The following GRM8 variants were observed in gnomAD, a reference collection of about 807,000 sequenced individuals.
GRM8 encodes metabotropic glutamate receptor 8.
In GRM8, 47 loss-of-function variants were observed where a neutral mutation model predicts 87.2. The ratio of observed to expected loss-of-function variants is 0.54; its 90% CI spans 0.43 to 0.69. GRM8 has a LOEUF of 0.69. Ranked by LOEUF, GRM8 falls within the 30% of genes least tolerant of loss-of-function variation. The probability of loss-of-function intolerance (pLI) is 0.00; values close to 1 mark genes in which losing one functional copy is unlikely to be tolerated. For missense variants in GRM8, 1,019 were observed against 1,139.2 expected (o/e 0.89, Z 1.52); for synonymous variants, 396 against 404.5 (o/e 0.98, Z 0.25).
At chr7:126,592,376 T>A (rs1796759726) in intron 8 of GRM8, among the ~76,000 whole-genome samples, 1 of 151,736 alleles carries the variant, frequency 6.6e-6, no homozygotes, top group Admixed American at 6.6e-5. Context: ...ATGTAAAACA[T>A]CTTCAACAAA....
intron 6 of GRM8, among the ~76,000 whole-genome samples, chr7:126,845,881 G>C (rs1796673801): frequency 6.6e-6 from 1 of 151,942 alleles, no homozygotes; most frequent in African/African-American, 2.4e-5. Context: ...GGGTCAGGGT[G>C]AATCCCTTAG....
intron 7 of GRM8, among the ~76,000 whole-genome samples, chr7:126,676,654 G>A (rs536435620): frequency 6.6e-6 from 1 of 152,010 alleles, no homozygotes; most frequent in Admixed American, 6.6e-5. Context: ...AATGGTGCTG[G>A]GTAAATTGAA....
chr7:126,714,282 AAT>A (rs1243741723), intron 7 of GRM8, among the ~76,000 whole-genome samples: 3 of 25,228 alleles, frequency 1.2e-4, no homozygotes, highest in African/African-American at 4.9e-4. Flanking sequence ...CATCTCAAAT[AAT>A]AATAATAATA....
intron 6 of GRM8, among the ~76,000 whole-genome samples, chr7:126,811,824 C>T (rs995047409): frequency 6.6e-6 from 1 of 151,948 alleles, no homozygotes; most frequent in African/African-American, 2.4e-5. Flanking sequence ...AATTTGGCAT[C>T]CTTTTTTTTC....
intron 3 of GRM8, among the ~76,000 whole-genome samples, chr7:126,968,788 T>C (rs1810119195): frequency 6.6e-6 from 1 of 152,154 alleles, no homozygotes; most frequent in Admixed American, 6.6e-5. Context: ...TGGCAGGATA[T>C]GGATGGTTGT....
At chr7:127,138,344 A>G (rs1053128096) in intron 2 of GRM8, among the ~76,000 whole-genome samples, 3 of 152,104 alleles carry the variant, frequency 2.0e-5, no homozygotes, top group African/African-American at 4.8e-5. Flanking sequence ...TAGATAATCA[A>G]ATCAGTTAGA....
chr7:127,114,061 A>G (rs973696474), intron 2 of GRM8, among the ~76,000 whole-genome samples: 27 of 152,330 alleles, frequency 1.8e-4, no homozygotes, highest in Non-Finnish European at 3.5e-4. Context: ...GACTACCCCA[A>G]GTTTGCATCC....
At chr7:127,236,544 AACTC>A (rs1336467229) in intron 2 of GRM8, among the ~76,000 whole-genome samples, 1 of 152,148 alleles carries the variant, frequency 6.6e-6, no homozygotes, top group African/African-American at 2.4e-5. Context: ...ATCTCGTGAG[AACTC>A]ACTCACTATC....
intron 2 of GRM8, among the ~76,000 whole-genome samples, chr7:127,210,188 A>G (rs184278266): frequency 1.1e-3 from 163 of 152,344 alleles, no homozygotes; most frequent in Middle Eastern, 3.4e-3. Flanking sequence ...AGGCCACATC[A>G]CAAAGATGTT....
At chr7:127,152,413 A>C (rs940085609) in intron 2 of GRM8, among the ~76,000 whole-genome samples, 4 of 152,102 alleles carry the variant, frequency 2.6e-5, no homozygotes, top group Non-Finnish European at 5.9e-5. Context: ...AAGGTAGCAA[A>C]GTGAGAAAGA....
chr7:126,463,867 C>A (rs2150528249), intron 9 of GRM8, among the ~76,000 whole-genome samples: 1 of 151,720 alleles, frequency 6.6e-6, no homozygotes, highest in African/African-American at 2.4e-5. Flanking sequence ...TATTGCCAAT[C>A]TCTGAATATC....
intron 2 of GRM8, among the ~76,000 whole-genome samples, chr7:127,128,136 T>C (rs375072052): frequency 3.3e-5 from 5 of 152,240 alleles, no homozygotes; most frequent in South Asian, 4.1e-4. Context: ...TTAAAAATAA[T>C]GTGTAGCTAC....
chr7:127,249,702 A>T (rs552697574), intron 1 of GRM8, among the ~76,000 whole-genome samples: 1 of 152,382 alleles, frequency 6.6e-6, no homozygotes, highest in South Asian at 2.1e-4. Flanking sequence ...CCTAGCAGAA[A>T]GAAAACCCTC....
intron 9 of GRM8, among the ~76,000 whole-genome samples, chr7:126,506,223 G>A (rs969487185): frequency 3.3e-5 from 5 of 151,742 alleles, no homozygotes; most frequent in South Asian, 2.1e-4. Flanking sequence ...GTATACACAC[G>A]TATGATTGTG....
intron 6 of GRM8, among the ~76,000 whole-genome samples, chr7:126,839,187 C>T (rs1796055161): frequency 6.6e-6 from 1 of 152,110 alleles, no homozygotes. Context: ...AAAGTAGGGG[C>T]ATTATTATAT....
chr7:126,804,833 G>A (rs1245690128), intron 6 of GRM8, among the ~76,000 whole-genome samples: 1 of 152,092 alleles, frequency 6.6e-6, no homozygotes, highest in African/African-American at 2.4e-5. Context: ...CCTATGCTGA[G>A]GCTTGTTAAT....
At chr7:126,765,618 T>C (rs1818117005) in intron 7 of GRM8, among the ~76,000 whole-genome samples, 1 of 152,148 alleles carries the variant, frequency 6.6e-6, no homozygotes, top group African/African-American at 2.4e-5. Flanking sequence ...TTATTGCCTA[T>C]AGATCAGTCT....
At chr7:126,440,210 G>C (rs545398736) in intron 10 of GRM8, among the ~76,000 whole-genome samples, 1 of 151,718 alleles carries the variant, frequency 6.6e-6, no homozygotes, top group Non-Finnish European at 1.5e-5. Context: ...TCAGGAGTTT[G>C]AGACAAGCTT....
At chr7:126,873,320 C>G (rs1235230066) in intron 6 of GRM8, among the ~76,000 whole-genome samples, 4 of 152,036 alleles carry the variant, frequency 2.6e-5, no homozygotes, top group Admixed American at 2.6e-4. Context: ...AACTAAAGAA[C>G]TTTTTAAAAT....
Sources: allele counts gnomAD v4.1 joint callset (sites outside exome capture counted in the v4.1 genomes callset), GRCh38; gene constraint gnomAD v4.1.1; transcripts MANE v1.5; gene names NCBI Gene and HGNC (gene_info 2026-07-23, HGNC 2026-07-21).